Variants in NUP153 observed in about 807,000 individuals in gnomAD.
NUP153 encodes nuclear pore complex protein Nup153.
Under a neutral mutation model 134.6 loss-of-function variants are expected in NUP153, and 27 were observed. The observed-to-expected ratio is 0.20, with a 90% CI of 0.15 to 0.28. NUP153 has a LOEUF of 0.28. NUP153 is among the 10% of genes least tolerant of loss of function. The probability of loss-of-function intolerance (pLI) is 1.00; values close to 1 mark genes in which losing one functional copy is unlikely to be tolerated. For synonymous variants in NUP153, 640 were observed against 623.5 expected (o/e 1.03, Z -0.40); for missense variants, 1,821 against 1,731.3 (o/e 1.05, Z -0.92).
chr6:17,631,520 C>T (rs573911623), intron 17 of NUP153, among the ~76,000 whole-genome samples: 1 of 152,268 alleles, frequency 6.6e-6, no homozygotes, highest in South Asian at 2.1e-4. Flanking sequence ...ATCCTCTCAC[C>T]GTTCTAGGGG....
In NUP153 at chr6:17,615,363, T is replaced by C. The variant is rs1708647435; in HGVS notation, c.*734A>G. ...ACTAAACAAACAACAAAAAAATCTC[T>C]AACACAAAATTCAAATTTCAAGTTC... On this transcript the variant is annotated 3_prime_UTR_variant, in exon 22 of 22. Transcript: ENST00000262077. This position sits in a 1 kb window ranked among gnomAD's most constrained non-coding sequence, Gnocchi z 5.7. 1 of 152,532 alleles carries C rather than the reference T, an allele frequency of 6.6e-6. No individual in the cohort carries two copies. Among genetic ancestry groups the C allele is most frequent in the African/African-American group, 2.4e-5 (1 of 41,408 alleles). The allele number at this position is 152,532 out of a possible 1,614,324, so 9.4% of individuals were successfully genotyped here.
rs936860520 is a variant in NUP153 at position 17,680,121 on chromosome 6, A to G, written c.335-4351T>C. 3.9e-5 allele frequency among the ~76,000 whole-genome samples: 6 copies of G among 152,124 alleles called. No homozygotes were observed. The highest frequency in any genetic ancestry group is 1.4e-4 in the African/African-American group (6 of 41,436). On this transcript the variant is annotated intron_variant, in intron 2 of 21. Transcript: ENST00000262077. The surrounding 1 kb of genome is among the most constrained non-coding windows in gnomAD (Gnocchi z 4.5). The stretch of plus-strand genomic sequence containing the variant: ...GCCAGGAAGAGGATCCTTGAGCCTC[A>G]CCTCCACTGTTTCCCTTGCGCTCAA...
At chr6:17,635,299 CAG>C (rs1439944792) in intron 16 of NUP153, among the ~76,000 whole-genome samples, 2 of 152,040 alleles carry the variant, frequency 1.3e-5, no homozygotes, top group South Asian at 4.2e-4. Context: ...TTAGTAGAGA[CAG>C]GGGTTCACTG....
Position 17,675,445 on chromosome 6 carries a change from T to A in NUP153, c.583+77A>T. The A allele has an allele frequency of 6.4e-7, 1 of 1,568,724 alleles. No individual in the cohort carries two copies. Among genetic ancestry groups the A allele is most frequent in the Non-Finnish European group, 8.6e-7 (1 of 1,157,534 alleles). Reference sequence around the variant, plus strand: ...ATTTTTATAAATAGAAAATAAAAATTACAACCAAGTCAGAAAAAAAACCCA... The same window carrying A: ...ATTTTTATAAATAGAAAATAAAAATAACAACCAAGTCAGAAAAAAAACCCA... On this transcript the variant is annotated intron_variant, in intron 3 of 21. Coordinates refer to ENST00000262077, the MANE Select transcript of NUP153 (RefSeq NM_005124.4). This position sits in a 1 kb window ranked among gnomAD's most constrained non-coding sequence, Gnocchi z 4.4.
chr6:17,673,414 G>GTTTT (rs1324131255), intron 5 of NUP153, among the ~76,000 whole-genome samples: 7 of 151,962 alleles, frequency 4.6e-5, no homozygotes, highest in African/African-American at 1.7e-4. Flanking sequence ...CCAGAGAATG[G>GTTTT]GAGAAAATAT....
chr6:17,683,956 C>T (rs1461495466), intron 2 of NUP153, among the ~76,000 whole-genome samples: 1 of 152,116 alleles, frequency 6.6e-6, no homozygotes, highest in Admixed American at 6.6e-5. Flanking sequence ...GGGGCAGATT[C>T]CTCATGAATG....
At chr6:17,685,778 T>C (rs1456737980) in intron 2 of NUP153, among the ~76,000 whole-genome samples, 2 of 151,920 alleles carry the variant, frequency 1.3e-5, no homozygotes, top group East Asian at 1.9e-4. Flanking sequence ...GTAATGATAA[T>C]AAATGACTAT....
intron 1 of NUP153, among the ~76,000 whole-genome samples, chr6:17,697,710 C>T (rs1173621330): frequency 2.0e-5 from 3 of 151,828 alleles, no homozygotes; most frequent in African/African-American, 7.3e-5. Flanking sequence ...TAATGAAAGG[C>T]AGCTGGGGTG....
intron 1 of NUP153, among the ~76,000 whole-genome samples, chr6:17,701,967 C>A (rs1770138468): frequency 6.6e-6 from 1 of 151,934 alleles, no homozygotes; most frequent in Admixed American, 6.6e-5. Context: ...ACCACCCCAC[C>A]CCACCCCCAT....
chr6:17,701,904 C>T (rs1006016817), intron 1 of NUP153, among the ~76,000 whole-genome samples: 8 of 143,030 alleles, frequency 5.6e-5, no homozygotes, highest in South Asian at 2.2e-4. Flanking sequence ...GGATTAAAGG[C>T]GGAGTCCCTT....
intron 1 of NUP153, among the ~76,000 whole-genome samples, chr6:17,705,596 A>AGGGGGGGGGGG (rs1770430257): frequency 1.0e-5 from 1 of 96,852 alleles, no homozygotes; most frequent in Non-Finnish European, 2.0e-5. Context: ...GGGGGGGGGG[A>AGGGGGGGGGGG]GGGGAGTCGC....
intron 2 of NUP153, among the ~76,000 whole-genome samples, chr6:17,687,172 C>T (rs1768982311): frequency 6.6e-6 from 1 of 152,116 alleles, no homozygotes; most frequent in Non-Finnish European, 1.5e-5. Flanking sequence ...CACCTAAATT[C>T]TTGAAGTTAG....
chr6:17,658,169 G>A (rs138388837), intron 11 of NUP153, among the ~76,000 whole-genome samples: 63 of 152,332 alleles, frequency 4.1e-4, no homozygotes, highest in African/African-American at 1.4e-3. Context: ...GGAGGCTGAG[G>A]CAGGCAGATC....
chr6:17,668,758 G>A (rs1022182238), intron 8 of NUP153, among the ~76,000 whole-genome samples: 2 of 151,814 alleles, frequency 1.3e-5, no homozygotes, highest in Non-Finnish European at 2.9e-5. Flanking sequence ...CACGAGAATC[G>A]CTTGAACCTG....
chr6:17,700,146 G>C (rs994386289), intron 1 of NUP153, among the ~76,000 whole-genome samples: 1 of 151,978 alleles, frequency 6.6e-6, no homozygotes, highest in Admixed American at 6.6e-5. Context: ...CCTAAATCAG[G>C]AGACTAATTT....
intron 1 of NUP153, among the ~76,000 whole-genome samples, chr6:17,699,904 A>G (rs936040085): frequency 2.0e-5 from 3 of 152,210 alleles, no homozygotes; most frequent in Non-Finnish European, 4.4e-5. Flanking sequence ...CTTCAAACTA[A>G]GATATCTGCC....
chr6:17,685,461 A>C (rs1414740037), intron 2 of NUP153, among the ~76,000 whole-genome samples: 18 of 151,058 alleles, frequency 1.2e-4, no homozygotes, highest in Admixed American at 1.1e-3. Flanking sequence ...AGGCAGGAGA[A>C]TGGTGTGAAC....
At position 17,637,365 on chromosome 6, in the gene NUP153, C is replaced by T. The variant is rs745965862; in HGVS notation, c.2252G>A (p.Gly751Glu). Residue 751 changes from glycine (G) to glutamate (E), a missense_variant, in exon 16 of 22, where the codon GGA becomes GAA. Transcript: ENST00000262077. Reference protein sequence around the residue: ...KCVACETPKPGTCVKRALTLT... With the variant: ...KCVACETPKPETCVKRALTLT... Reference sequence around the variant, plus strand: ...TGTAAGGGCTCGCTTCACACAAGTTCCAGGTTTCGGTGTTTCACAGGCTAC... The same window carrying T: ...TGTAAGGGCTCGCTTCACACAAGTTTCAGGTTTCGGTGTTTCACAGGCTAC... 1.2e-6 allele frequency: 2 copies of T among 1,614,182 alleles called. No individual in the cohort carries two copies. Among genetic ancestry groups the T allele is most frequent in the East Asian group, 2.2e-5 (1 of 44,878 alleles).
intron 1 of NUP153, among the ~76,000 whole-genome samples, chr6:17,701,831 T>TGGGGGGGG (rs1180643494): frequency 6.6e-5 from 1 of 15,050 alleles, no homozygotes; most frequent in Non-Finnish European, 1.9e-4. Context: ...AGACTCTGTC[T>TGGGGGGGG]CGGGGGGGGG....
Sources: gnomAD v4.1 joint callset for allele counts (sites outside exome capture counted in the v4.1 genomes callset) on GRCh38, gnomAD v4.1.1 for gene constraint, Gnocchi (gnomAD v3.1) non-coding constraint, MANE v1.5 for transcripts, NCBI Gene and HGNC (gene_info 2026-07-23, HGNC 2026-07-21) for gene names.